RAB11FIP4: variants seen among roughly 807,000 people sequenced by gnomAD.
RAB11FIP4 encodes the protein RAB11 family interacting protein 4, also known as rab11 family-interacting protein 4.
Under a neutral mutation model 74.3 loss-of-function variants are expected in RAB11FIP4, and 23 were observed. The ratio of observed to expected loss-of-function variants is 0.31; its 90% CI spans 0.22 to 0.44. The LOEUF is 0.44. Ranked by LOEUF, RAB11FIP4 falls within the 20% of genes least tolerant of loss-of-function variation. The probability of loss-of-function intolerance (pLI) is 1.00; values close to 1 mark genes in which losing one functional copy is unlikely to be tolerated. For missense variants in RAB11FIP4, 630 were observed against 863.9 expected (o/e 0.73, Z 3.39); for synonymous variants, 360 against 359.9 (o/e 1.00, Z 0.00).
At chr17:31,477,398 G>A (rs1397364515) in intron 3 of RAB11FIP4, among the ~76,000 whole-genome samples, 1 of 152,248 alleles carries the variant, frequency 6.6e-6, no homozygotes, top group Non-Finnish European at 1.5e-5. Flanking sequence ...TGGGCTTGGG[G>A]AGAAGCTGGG....
At chr17:31,518,397 C>G in intron 4 of RAB11FIP4, 1 of 149,514 alleles carries the variant, frequency 6.7e-6, no homozygotes, top group African/African-American at 2.5e-5. Flanking sequence ...ACAAAGATGT[C>G]CATGAGATCA....
intron 4 of RAB11FIP4, among the ~76,000 whole-genome samples, chr17:31,518,279 GC>G (rs1176304920): frequency 1.3e-5 from 2 of 148,666 alleles, no homozygotes; most frequent in Middle Eastern, 3.2e-3. Context: ...GATCGCTTGA[GC>G]CCAGGAGTTT....
chr17:31,481,584 ACT>A (rs2071849906), intron 3 of RAB11FIP4, among the ~76,000 whole-genome samples: 2 of 151,952 alleles, frequency 1.3e-5, no homozygotes, highest in South Asian at 4.2e-4. Flanking sequence ...TGTCTGGGTA[ACT>A]CTGATGTTAC....
At chr17:31,470,823 T>C (rs1464982426) in intron 3 of RAB11FIP4, among the ~76,000 whole-genome samples, 2 of 152,166 alleles carry the variant, frequency 1.3e-5, no homozygotes, top group Non-Finnish European at 2.9e-5. Context: ...TATAAACTCC[T>C]GGCAGGAGGG....
Position 31,524,002 on chromosome 17 carries a change from G to C in RAB11FIP4, c.1133+6G>C. ...AACACACAGCTGGTGCACAGGTCAA[G>C]CAGGCAGCGGCGCTGGGGGCTCGGC... On this transcript the variant is annotated splice_donor_region_variant and intron_variant, in intron 9 of 14. Transcript: ENST00000621161. 1 of 1,602,488 alleles carries C rather than the reference G, an allele frequency of 6.2e-7. No homozygotes were observed. Among genetic ancestry groups the C allele is most frequent in the Non-Finnish European group, 8.5e-7 (1 of 1,173,150 alleles).
chr17:31,536,722 C>T lies in RAB11FIP4; in HGVS notation c.*4990C>T. On this transcript the variant is annotated 3_prime_UTR_variant, in exon 15 of 15. Transcript: ENST00000621161. The stretch of plus-strand genomic sequence containing the variant: ...CTGGGTGCACACATGAATGGGGCAG[C>T]CAGCAGGAAGCGGGAGAGGCTGGAA... The T allele has an allele frequency of 2.9e-6, 1 of 341,712 alleles. No homozygotes were observed. The highest frequency in any genetic ancestry group is 4.3e-5 in the East Asian group (1 of 23,072). The allele number at this position is 341,712 out of a possible 1,614,324, so 21.2% of individuals were successfully genotyped here.
Position 31,536,104 on chromosome 17 carries a change from C to T in RAB11FIP4, c.*4372C>T, listed in dbSNP as rs2072957590. 4 of 152,166 alleles carry T rather than the reference C, an allele frequency of 2.6e-5. No homozygotes were observed. In the South Asian group the frequency reaches 8.3e-4, roughly 32 times the overall value. 9.4% of individuals were successfully genotyped at this position (152,166 alleles called of 1,614,324 possible). The stretch of plus-strand genomic sequence containing the variant: ...CCAATGAGGGACTTAGCAGAAGCCT[C>T]CAGGGGCCAGCAGGGCCAGGTGAAA... On this transcript the variant is annotated 3_prime_UTR_variant, in exon 15 of 15. Transcript: ENST00000621161.
At chr17:31,394,504 T>C (rs2070908481) in intron 1 of RAB11FIP4, among the ~76,000 whole-genome samples, 1 of 152,222 alleles carries the variant, frequency 6.6e-6, no homozygotes, top group Non-Finnish European at 1.5e-5. Flanking sequence ...TCCTTTTTCT[T>C]TTCTTTTCTT....
chr17:31,483,787 A>G (rs1044468683), intron 3 of RAB11FIP4, among the ~76,000 whole-genome samples: 24 of 152,194 alleles, frequency 1.6e-4, no homozygotes, highest in African/African-American at 5.8e-4. Flanking sequence ...TCTCAAAATA[A>G]TGATCATGAA....
chr17:31,425,459 G>A (rs1050645364), intron 1 of RAB11FIP4, among the ~76,000 whole-genome samples: 3 of 152,194 alleles, frequency 2.0e-5, no homozygotes, highest in African/African-American at 7.2e-5. Flanking sequence ...TTAGGGAGGC[G>A]TGGGTGGCTG....
At chr17:31,413,662 T>A (rs1454027860) in intron 1 of RAB11FIP4, among the ~76,000 whole-genome samples, 1 of 152,116 alleles carries the variant, frequency 6.6e-6, no homozygotes, top group East Asian at 1.9e-4. Flanking sequence ...CAGTCCAGCA[T>A]AACCCCCTCC....
At chr17:31,464,901 C>T (rs1039446135) in intron 3 of RAB11FIP4, among the ~76,000 whole-genome samples, 1 of 151,842 alleles carries the variant, frequency 6.6e-6, no homozygotes, top group Admixed American at 6.6e-5. Flanking sequence ...GCAGGAACTA[C>T]AGGCACGTAC....
At chr17:31,528,378 C>T in intron 11 of RAB11FIP4, 28 bp from the exon 12 acceptor site, 3 of 1,606,118 alleles carry the variant, frequency 1.9e-6, no homozygotes, top group Non-Finnish European at 2.5e-6. Context: ...GGGAACTCTC[C>T]TCCCCTGATC....
At position 31,412,826 on chromosome 17, in the gene RAB11FIP4, G is replaced by A. The variant is rs139821592; in HGVS notation, c.160-18987G>A. On this transcript the variant is annotated intron_variant, in intron 1 of 14. Transcript: ENST00000621161. The stretch of plus-strand genomic sequence containing the variant: ...GGGATCCAAGTGGGGTTTCCGTGGT[G>A]GAGAGATTGACCAGTGGGCAGTGAG... Among the ~76,000 whole-genome samples the A allele has an allele frequency of 2.2e-4, 34 of 152,320 alleles. No homozygotes were observed. The East Asian group carries it at 6.2e-3, about 28-fold the overall frequency.
At chr17:31,484,563 C>A (rs1369694127) in intron 3 of RAB11FIP4, among the ~76,000 whole-genome samples, 1 of 152,008 alleles carries the variant, frequency 6.6e-6, no homozygotes, top group African/African-American at 2.4e-5. Flanking sequence ...TGTGTTAGAG[C>A]CCTCAGATCC....
intron 3 of RAB11FIP4, chr17:31,501,783 T>C: frequency 5.0e-6 from 1 of 198,330 alleles, no homozygotes; most frequent in Non-Finnish European, 1.1e-5. Context: ...CCCAAAGTGC[T>C]GGGTGTAATC....
intron 3 of RAB11FIP4, among the ~76,000 whole-genome samples, chr17:31,517,064 T>A (rs1030004427): frequency 6.6e-6 from 1 of 151,136 alleles, no homozygotes; most frequent in East Asian, 2.0e-4. Context: ...AGTTACAAAG[T>A]GATATTCCTA....
chr17:31,400,261 A>G (rs556898883), intron 1 of RAB11FIP4, among the ~76,000 whole-genome samples: 1 of 152,332 alleles, frequency 6.6e-6, no homozygotes, highest in Admixed American at 6.5e-5. Flanking sequence ...TACTTAGAAC[A>G]ATGTCATAGA....
chr17:31,431,941 C>T (rs773922464), intron 2 of RAB11FIP4, 41 bp downstream of exon 2: 17 of 1,448,226 alleles, frequency 1.2e-5, no homozygotes, highest in African/African-American at 8.4e-5. Context: ...GCTCTCCGGT[C>T]CTGCCCAGCT....
Sources: allele counts gnomAD v4.1 joint callset (sites outside exome capture counted in the v4.1 genomes callset), GRCh38; gene constraint gnomAD v4.1.1; transcripts MANE v1.5; gene names NCBI Gene and HGNC (gene_info 2026-07-23, HGNC 2026-07-21).